Variants in THSD7A observed in about 807,000 individuals in gnomAD.
THSD7A encodes the protein thrombospondin type 1 domain containing 7A, also known as thrombospondin type-1 domain-containing protein 7A.
In THSD7A, 96 loss-of-function variants were observed where a neutral mutation model predicts 231.3. The ratio of observed to expected loss-of-function variants is 0.41; its 90% CI spans 0.35 to 0.49. The LOEUF is 0.49. THSD7A is among the 20% of genes least tolerant of loss of function. The probability of loss-of-function intolerance (pLI) is 0.05; values close to 1 mark genes in which losing one functional copy is unlikely to be tolerated. For missense variants in THSD7A, 2,290 were observed against 2,070.2 expected (o/e 1.11, Z -2.06); for synonymous variants, 940 against 743.3 (o/e 1.26, Z -4.30).
intron 6 of THSD7A, among the ~76,000 whole-genome samples, chr7:11,485,389 C>T (rs1217372400): frequency 4.6e-5 from 7 of 152,160 alleles, no homozygotes; most frequent in African/African-American, 1.7e-4. Flanking sequence ...TCTCCTTATA[C>T]TTCTCTTCAC....
intron 1 of THSD7A, among the ~76,000 whole-genome samples, chr7:11,794,213 T>G (rs1784051426): frequency 6.6e-6 from 1 of 151,976 alleles, no homozygotes; most frequent in South Asian, 2.1e-4. Flanking sequence ...CTACCACTCT[T>G]TTTGTCTTCA....
intron 2 of THSD7A, among the ~76,000 whole-genome samples, chr7:11,625,970 C>G (rs537808375): frequency 1.3e-5 from 2 of 151,938 alleles, no homozygotes; most frequent in Admixed American, 1.3e-4. Context: ...ATGTCTCAAG[C>G]AAGAGAGCTA....
chr7:11,739,708 ACAG>A (rs1782041257), intron 1 of THSD7A, among the ~76,000 whole-genome samples: 1 of 151,880 alleles, frequency 6.6e-6, no homozygotes, highest in South Asian at 2.1e-4. Context: ...GGCATGAACC[ACAG>A]CACCCAGCCT....
intron 19 of THSD7A, among the ~76,000 whole-genome samples, chr7:11,409,678 A>G (rs1783713322): frequency 6.6e-6 from 1 of 152,154 alleles, no homozygotes; most frequent in South Asian, 2.1e-4. Flanking sequence ...GGACATACTA[A>G]TCAACCAGAA....
At chr7:11,499,539 G>C (rs1458780075) in intron 6 of THSD7A, among the ~76,000 whole-genome samples, 5 of 152,156 alleles carry the variant, frequency 3.3e-5, no homozygotes, top group Non-Finnish European at 7.3e-5. Context: ...GATTCAGGAG[G>C]ATGGCAAACC....
At chr7:11,383,948 G>A (rs1782626771) in intron 23 of THSD7A, 1 of 151,946 alleles carries the variant, frequency 6.6e-6, no homozygotes, top group Non-Finnish European at 1.5e-5. Flanking sequence ...ACTAAAATAA[G>A]ATTGCAATAA....
At chr7:11,827,060 A>G (rs1438341918) in intron 1 of THSD7A, among the ~76,000 whole-genome samples, 6 of 152,080 alleles carry the variant, frequency 3.9e-5, no homozygotes, top group Admixed American at 1.3e-4. Context: ...CTGGAGTACA[A>G]TGGTGTAGTC....
chr7:11,424,908 TCA>T lies in THSD7A; in HGVS notation c.3250-81_3250-80del. On this transcript the variant is annotated intron_variant, in intron 15 of 27. Transcript: ENST00000423059. ...GAAGACTTCCACACCATAACAGCAA[TCA>T]TTTCACTGTGAAGCTACTTTCACTC... 1.9e-6 allele frequency: 3 copies of T among 1,542,064 alleles called. No individual in the cohort carries two copies. In the South Asian group the frequency reaches 3.6e-5, roughly 18 times the overall value.
At chr7:11,652,271 T>C (rs561803873) in intron 1 of THSD7A, among the ~76,000 whole-genome samples, 2 of 152,112 alleles carry the variant, frequency 1.3e-5, no homozygotes, top group African/African-American at 2.4e-5. Flanking sequence ...ATGTCAATTG[T>C]TTCCTTTCTG....
intron 6 of THSD7A, among the ~76,000 whole-genome samples, chr7:11,541,003 T>C (rs576511655): frequency 1.3e-5 from 2 of 152,176 alleles, no homozygotes; most frequent in East Asian, 1.9e-4. Context: ...GAAAATACTT[T>C]TAGAGTCAAA....
intron 16 of THSD7A, among the ~76,000 whole-genome samples, chr7:11,423,526 G>T (rs1258863466): frequency 6.6e-6 from 1 of 151,924 alleles, no homozygotes; most frequent in African/African-American, 2.4e-5. Context: ...CCGCCGCCAC[G>T]CCCAGCTAAT....
intron 1 of THSD7A, among the ~76,000 whole-genome samples, chr7:11,826,884 A>T (rs1255861714): frequency 6.6e-6 from 1 of 152,092 alleles, no homozygotes; most frequent in Admixed American, 6.6e-5. Context: ...ATCTTTCAGT[A>T]ATATAAATGC....
chr7:11,555,521 A>T lies in THSD7A; in HGVS notation c.1454-12404T>A, dbSNP rs1789808517. Among the ~76,000 whole-genome samples the T allele has an allele frequency of 2.0e-5, 3 of 151,930 alleles. 1 individual carries two copies. In the East Asian group the frequency reaches 5.8e-4, roughly 29 times the overall value. ...TTTGGTATATGTTTCACTTGAAAGA[A>T]GGTGAATTCTGCTGTTGTTGGATGG... On this transcript the variant is annotated intron_variant, in intron 4 of 27. Coordinates refer to ENST00000423059, the MANE Select transcript of THSD7A (RefSeq NM_015204.3).
intron 6 of THSD7A, among the ~76,000 whole-genome samples, chr7:11,518,422 T>C (rs1020067469): frequency 6.6e-5 from 10 of 152,132 alleles, no homozygotes; most frequent in African/African-American, 1.7e-4. Context: ...TCTAAGTTTG[T>C]AGAAAAGCAA....
At chr7:11,642,597 C>A (rs73292639) in intron 1 of THSD7A, among the ~76,000 whole-genome samples, 125 of 152,152 alleles carry the variant, frequency 8.2e-4, no homozygotes, top group African/African-American at 2.8e-3. Flanking sequence ...GAAATTAAAG[C>A]AACTGTTTTA....
chr7:11,786,818 G>C (rs1409576677), intron 1 of THSD7A, among the ~76,000 whole-genome samples: 2 of 149,966 alleles, frequency 1.3e-5, no homozygotes, highest in Non-Finnish European at 3.0e-5. Flanking sequence ...CTTTTCTTTG[G>C]TCTCTCTCTT....
chr7:11,596,868 A>C (rs1324684988), intron 2 of THSD7A, among the ~76,000 whole-genome samples: 1 of 152,260 alleles, frequency 6.6e-6, no homozygotes, highest in Non-Finnish European at 1.5e-5. Context: ...TTGACATGGC[A>C]AGTGCCTTTT....
chr7:11,527,562 T>C (rs753555831), intron 6 of THSD7A, among the ~76,000 whole-genome samples: 12 of 152,292 alleles, frequency 7.9e-5, no homozygotes, highest in South Asian at 4.1e-4. Flanking sequence ...TACTTTGCAC[T>C]CTATCAAGAA....
chr7:11,764,497 T>C (rs1441634336), intron 1 of THSD7A, among the ~76,000 whole-genome samples: 3 of 146,574 alleles, frequency 2.0e-5, no homozygotes, highest in Admixed American at 7.0e-5. Flanking sequence ...AGGAGAATAA[T>C]GTGAACCCAG....
Sources: allele counts gnomAD v4.1 joint callset (sites outside exome capture counted in the v4.1 genomes callset), GRCh38; gene constraint gnomAD v4.1.1; transcripts MANE v1.5; gene names NCBI Gene and HGNC (gene_info 2026-07-23, HGNC 2026-07-21).